The following MAPT variants were observed in gnomAD, a reference collection of about 807,000 sequenced individuals.
MAPT encodes the protein microtubule associated protein tau, also known as microtubule-associated protein tau.
MAPT carries 34 observed loss-of-function variants against 67.9 expected under a neutral mutation model. The ratio of observed to expected loss-of-function variants is 0.50; its 90% CI spans 0.38 to 0.67. The LOEUF (loss-of-function observed/expected upper bound fraction) is 0.67, where lower values mean the gene tolerates loss of function less well. Ranked by LOEUF, MAPT falls within the 30% of genes least tolerant of loss-of-function variation. The probability of loss-of-function intolerance (pLI) is 0.00; values close to 1 mark genes in which losing one functional copy is unlikely to be tolerated. For missense variants in MAPT, 881 were observed against 1,115.2 expected, an observed-to-expected ratio of 0.79 and a Z score of 2.99; for synonymous variants, 456 against 464.5, an observed-to-expected ratio of 0.98 and a Z score of 0.23.
intron 3 of MAPT, among the ~76,000 whole-genome samples, chr17:45,972,493 T>C (rs1419202200): frequency 6.6e-6 from 1 of 152,166 alleles, no homozygotes; most frequent in Non-Finnish European, 1.5e-5. Context: ...TCAGTCCTGA[T>C]TTTGACCATC....
At position 46,012,121 on chromosome 17, in the gene MAPT, C is replaced by T. The variant is rs146024356; in HGVS notation, c.2091+1719C>T. 3.5e-3 allele frequency among the ~76,000 whole-genome samples: 527 copies of T among 152,292 alleles called. 8 individuals are homozygous for T. Among genetic ancestry groups the T allele is most frequent in the Admixed American group, 0.029 (446 of 15,290 alleles). ...TTCTCTGGCTTCCTCAAAGTGAGCT[C>T]GGCCAGAGGAGGAAGGCCATGTGCT... On this transcript the variant is annotated intron_variant, in intron 10 of 12. Coordinates refer to ENST00000262410, the MANE Select transcript of MAPT (RefSeq NM_001377265.1).
intron 1 of MAPT, among the ~76,000 whole-genome samples, chr17:45,928,390 C>T (rs1440207469): frequency 6.6e-6 from 1 of 151,940 alleles, no homozygotes; most frequent in Non-Finnish European, 1.5e-5. Context: ...GAAGTTTTCT[C>T]CAACACCCAC....
chr17:46,023,906 G>T (rs761756416), intron 12 of MAPT, 50 bp from the exon 13 acceptor site: 2 of 1,528,756 alleles, frequency 1.3e-6, no homozygotes, highest in Non-Finnish European at 9.1e-7. Context: ...GGCAGGGCTG[G>T]TCTTTCTCTG....
rs540703032 is a variant in MAPT, at chr17:45,952,514, G to A, written c.-17-9807G>A. ...AAAATAAAAATTTAGACTGGGTGCTGTGGCTCACACCTGTGATCCCAGCAC... is the reference window on the plus strand; with the variant it reads ...AAAATAAAAATTTAGACTGGGTGCTATGGCTCACACCTGTGATCCCAGCAC... On this transcript the variant is annotated intron_variant, in intron 1 of 12. Coordinates refer to ENST00000262410, the MANE Select transcript of MAPT (RefSeq NM_001377265.1). Among the ~76,000 whole-genome samples the A allele has an allele frequency of 1.4e-4, 22 of 152,350 alleles. No homozygotes were observed. In the East Asian group the frequency reaches 4.1e-3, roughly 28 times the overall value.
At chr17:45,917,781 T>C (rs1694415732) in intron 1 of MAPT, among the ~76,000 whole-genome samples, 1 of 112,632 alleles carries the variant, frequency 8.9e-6, no homozygotes, top group South Asian at 2.4e-4. Context: ...TTTTTTTTTT[T>C]TTCTTTTTTT....
At chr17:46,023,098 C>T (rs577276458) in intron 12 of MAPT, among the ~76,000 whole-genome samples, 1 of 152,324 alleles carries the variant, frequency 6.6e-6, no homozygotes, top group African/African-American at 2.4e-5. Flanking sequence ...GCATCAGTGG[C>T]TGTGGGAGAC....
chr17:45,994,603 G>A (rs1029172942), intron 8 of MAPT, among the ~76,000 whole-genome samples: 29 of 152,130 alleles, frequency 1.9e-4, no homozygotes, highest in African/African-American at 5.8e-4. Flanking sequence ...TGGGAGAATC[G>A]CTTGAGGCCA....
intron 1 of MAPT, among the ~76,000 whole-genome samples, chr17:45,954,204 T>C (rs2069372814): frequency 6.6e-6 from 1 of 152,200 alleles, no homozygotes; most frequent in Non-Finnish European, 1.5e-5. Context: ...CTATAAATAG[T>C]GTTTTATCAG....
At chr17:45,950,315 C>T (rs770563280) in intron 1 of MAPT, among the ~76,000 whole-genome samples, 31 of 152,156 alleles carry the variant, frequency 2.0e-4, no homozygotes, top group Admixed American at 1.2e-3. Context: ...TCTCGTCCAC[C>T]CCACAACACC....
chr17:45,937,842 C>G (rs1198238165), intron 1 of MAPT, among the ~76,000 whole-genome samples: 1 of 152,132 alleles, frequency 6.6e-6, no homozygotes, highest in East Asian at 1.9e-4. Flanking sequence ...CAATCCTGGC[C>G]CTGCCACTTT....
Position 46,017,440 on chromosome 17 carries a change from A to ATTTTTTTTTTTTTTTTTTTTTTTTTT in MAPT, c.2174-1173_2174-1148dup, listed in dbSNP as rs76980614. ...AGGCACATGCCAACATGCCTGGCTA[A>ATTTTTTTTTTTTTTTTTTTTTTTTTT]TTTTTTTTTTTTTTTTTTTTTTTTT... On this transcript the variant is annotated intron_variant, in intron 11 of 12. Transcript: ENST00000262410. Among the ~76,000 whole-genome samples, 4 of 63,002 alleles carry ATTTTTTTTTTTTTTTTTTTTTTTTTT rather than the reference A, an allele frequency of 6.3e-5. 1 individual carries two copies. The highest frequency in any genetic ancestry group is 1.8e-4 in the Admixed American group (1 of 5,428). The allele number at this position is 63,002 out of a possible 152,430, so 41.3% of individuals were successfully genotyped here.
chr17:45,952,215 G>T (rs1277246215), intron 1 of MAPT, among the ~76,000 whole-genome samples: 5 of 152,206 alleles, frequency 3.3e-5, no homozygotes. Flanking sequence ...CCATTTGTCT[G>T]TTGGTTTAGA....
chr17:45,986,757 C>T (rs548381382), intron 5 of MAPT, among the ~76,000 whole-genome samples: 1 of 152,198 alleles, frequency 6.6e-6, no homozygotes, highest in Non-Finnish European at 1.5e-5. Context: ...CCATCATGTC[C>T]CCGTGACAGT....
Position 46,024,298 on chromosome 17 carries a change from A to AG in MAPT, c.*127_*128insG. The AG allele has an allele frequency of 1.2e-6, 1 of 861,812 alleles. No homozygotes were observed. The highest frequency in any genetic ancestry group is 1.7e-5 in the African/African-American group (1 of 60,358). The allele number at this position is 861,812 out of a possible 1,614,324, so 53.4% of individuals were successfully genotyped here. On this transcript the variant is annotated 3_prime_UTR_variant, in exon 13 of 13. Coordinates refer to ENST00000262410, the MANE Select transcript of MAPT (RefSeq NM_001377265.1). ...TCCTCGCAGTTCGGTTAATTGGTTA[A>AG]TCACTTAACCTGCTTTTGTCACTCG...
In MAPT at chr17:45,906,494, G is replaced by A. The variant is rs750844933; in HGVS notation, c.-18+11808G>A. Among the ~76,000 whole-genome samples, 18 of 152,150 alleles carry A rather than the reference G, an allele frequency of 1.2e-4. No individual in the cohort carries two copies. Among genetic ancestry groups the A allele is most frequent in the South Asian group, 2.1e-4 (1 of 4,832 alleles). On this transcript the variant is annotated intron_variant, in intron 1 of 12. Transcript: ENST00000262410. The surrounding 1 kb of genome is among the most constrained non-coding windows in gnomAD (Gnocchi z 4.3). ...TTGGTGTCAAAGGCACGGGGCAGGC[G>A]CGTTAATTGAACTGCTTGCACCTGG...
intron 1 of MAPT, among the ~76,000 whole-genome samples, chr17:45,924,183 G>GC (rs66918679): frequency 0.14 from 21,694 of 151,898 alleles, 2,124 homozygotes; most frequent in Middle Eastern, 0.22. Context: ...AGAGAAGGCA[G>GC]CCCCCCAGAC....
At chr17:46,012,598 C>T (rs770397934) in intron 10 of MAPT, among the ~76,000 whole-genome samples, 5 of 152,136 alleles carry the variant, frequency 3.3e-5, no homozygotes, top group Non-Finnish European at 7.4e-5. Flanking sequence ...CCTGCTCCTT[C>T]TCTACCTGGG....
At chr17:45,945,786 C>T (rs548384159) in intron 1 of MAPT, among the ~76,000 whole-genome samples, 4 of 150,122 alleles carry the variant, frequency 2.7e-5, no homozygotes, top group Admixed American at 6.7e-5. Context: ...GTACTCAAAC[C>T]GAGGCAACAG....
rs1052590 is a variant in MAPT, at chr17:46,025,272, A to G, written c.*1101A>G. On this transcript the variant is annotated 3_prime_UTR_variant, in exon 13 of 13. Transcript: ENST00000262410. Reference sequence around the variant, plus strand: ...TGGAGTGTGTGGGGGTCTGGGAGGCAGGTCCCGAGCCCCCTGTCCTTCCCA... The same window carrying G: ...TGGAGTGTGTGGGGGTCTGGGAGGCGGGTCCCGAGCCCCCTGTCCTTCCCA... 21,856 of 152,430 alleles carry G rather than the reference A, an allele frequency of 0.14. 2,141 individuals carry two copies. Among genetic ancestry groups the G allele is most frequent in the Non-Finnish European group, 0.22 (14,777 of 68,110 alleles). The allele number at this position is 152,430 out of a possible 1,614,324, so 9.4% of individuals were successfully genotyped here.
Sources: allele counts gnomAD v4.1 joint callset (sites outside exome capture counted in the v4.1 genomes callset), GRCh38; gene constraint gnomAD v4.1.1; non-coding constraint Gnocchi (gnomAD v3.1); transcripts MANE v1.5; gene names NCBI Gene and HGNC (gene_info 2026-07-23, HGNC 2026-07-21).